The following CAMK2A variants were observed in gnomAD, a reference collection of about 807,000 sequenced individuals.
The protein encoded by CAMK2A is calcium/calmodulin-dependent protein kinase type II subunit alpha.
A neutral mutation model predicts 79.2 loss-of-function variants in CAMK2A; 7 were observed. That is an observed-to-expected ratio of 0.09 (90% confidence interval 0.05 to 0.17). CAMK2A has a LOEUF of 0.17. CAMK2A is among the 10% of genes least tolerant of loss of function. The pLI is 1.00. For missense variants in CAMK2A, 214 were observed against 646.4 expected, an observed-to-expected ratio of 0.33 and a Z score of 7.25; for synonymous variants, 242 against 251.7, an observed-to-expected ratio of 0.96 and a Z score of 0.36.
intron 15 of CAMK2A, 153 bp downstream of exon 15, chr5:150,238,547 C>T (rs1454624826): frequency 5.2e-6 from 4 of 762,000 alleles, no homozygotes; most frequent in South Asian, 1.5e-5. Flanking sequence ...AATGATGCCT[C>T]CCAGTGTGCC....
At chr5:150,268,993 T>A (rs1381542314) in intron 2 of CAMK2A, among the ~76,000 whole-genome samples, 1 of 151,928 alleles carries the variant, frequency 6.6e-6, no homozygotes. Flanking sequence ...CTTGAACTCC[T>A]GGCCTCAAGT....
At position 150,250,745 on chromosome 5, in the gene CAMK2A, G is replaced by A; in HGVS notation, c.759C>T (p.Thr253=). 6.2e-7 allele frequency: 1 copy of A among 1,614,128 alleles called. No individual in the cohort carries two copies. Among genetic ancestry groups the A allele is most frequent in the Non-Finnish European group, 8.5e-7 (1 of 1,179,984 alleles). Residue 253 remains threonine, a synonymous_variant, in exon 10 of 19, where the codon ACC becomes ACT. Transcript: ENST00000671881. ...CTGTGATGCGTTTGGATGGGTTAAT[G>A]GTCAGCATCTTATTGATCAGATCCT... ...EAKDLINKML[T]INPSKRITAA...
chr5:150,250,268 G>A lies in CAMK2A; in HGVS notation c.858C>T (p.Thr286=), dbSNP rs570919176. The change falls in exon 11 of 19, where the codon ACC becomes ACT. Residue 286 remains threonine, a synonymous_variant. Coordinates refer to ENST00000671881, the MANE Select transcript of CAMK2A (RefSeq NM_015981.4). The stretch of plus-strand genomic sequence containing the variant: ...CATTGAACTTCTTCAGGCAGTCCAC[G>A]GTCTCCTGTCTGTGCATGCAGGATG... The part of the protein sequence containing the change: ...TVASCMHRQE[T]VDCLKKFNAR... The A allele has an allele frequency of 5.6e-6, 9 of 1,613,994 alleles. No homozygotes were observed. The highest frequency in any genetic ancestry group is 2.2e-5 in the East Asian group (1 of 44,858).
At chr5:150,239,878 A>ACAAGGAGT in intron 13 of CAMK2A, 142 bp from the exon 14 acceptor site, 4 of 753,746 alleles carry the variant, frequency 5.3e-6, no homozygotes, top group Non-Finnish European at 2.4e-6. Flanking sequence ...TGGCATCGGG[A>ACAAGGAGT]CAAGGAGTCA....
chr5:150,225,039 AG>A (rs1462678293), intron 17 of CAMK2A, among the ~76,000 whole-genome samples: 1 of 119,626 alleles, frequency 8.4e-6, no homozygotes, highest in African/African-American at 3.7e-5. Flanking sequence ...CCTGGTAGGT[AG>A]GGAGAGAGAG....
At chr5:150,260,947 T>C (rs1224264393) in intron 3 of CAMK2A, among the ~76,000 whole-genome samples, 3 of 152,154 alleles carry the variant, frequency 2.0e-5, no homozygotes, top group Non-Finnish European at 4.4e-5. Flanking sequence ...TGTAAGAAGC[T>C]CTGAGAAGCC....
At position 150,222,439 on chromosome 5, in the gene CAMK2A, G is replaced by A; in HGVS notation, c.*271C>T. On this transcript the variant is annotated 3_prime_UTR_variant, in exon 19 of 19. Coordinates refer to ENST00000671881, the MANE Select transcript of CAMK2A (RefSeq NM_015981.4). ...CAGCAGCTGAGGCTGGGGAGAGGGG[G>A]CCAGTGCTGTGGACACCCATGCCTG... 1 of 694,372 alleles carries A rather than the reference G, an allele frequency of 1.4e-6. No homozygotes were observed. Among genetic ancestry groups the A allele is most frequent in the South Asian group, 1.5e-5 (1 of 65,912 alleles). The allele number at this position is 694,372 out of a possible 1,614,324, so 43.0% of individuals were successfully genotyped here.
At chr5:150,239,507 G>A (rs1362591736) in intron 14 of CAMK2A, among the ~76,000 whole-genome samples, 197 bp downstream of exon 14, 4 of 152,090 alleles carry the variant, frequency 2.6e-5, no homozygotes, top group Admixed American at 6.6e-5. Flanking sequence ...TCTGGGCCGT[G>A]GAGTTGGAGG....
intron 17 of CAMK2A, among the ~76,000 whole-genome samples, chr5:150,226,565 C>T (rs938978702): frequency 2.4e-4 from 36 of 151,730 alleles, no homozygotes; most frequent in African/African-American, 8.0e-4. Flanking sequence ...GGTGAAACCC[C>T]GTCTCCACTA....
chr5:150,270,398 G>A (rs1562190412), intron 2 of CAMK2A, among the ~76,000 whole-genome samples: 1 of 152,194 alleles, frequency 6.6e-6, no homozygotes, highest in Non-Finnish European at 1.5e-5. Flanking sequence ...TAAAAGACTA[G>A]ATTAAAAATA....
At chr5:150,250,560 G>T in intron 10 of CAMK2A, 128 bp downstream of exon 10, 2 of 1,302,620 alleles carry the variant, frequency 1.5e-6, no homozygotes, top group Non-Finnish European at 2.1e-6. Context: ...GAGAACCACA[G>T]CAGGGGCAGT....
At chr5:150,270,145 A>C (rs1756685927) in intron 2 of CAMK2A, among the ~76,000 whole-genome samples, 1 of 152,238 alleles carries the variant, frequency 6.6e-6, no homozygotes, top group South Asian at 2.1e-4. Flanking sequence ...ATGGGGGTTA[A>C]CACTGAGCCT....
intron 17 of CAMK2A, 89 bp downstream of exon 17, chr5:150,228,102 TG>T: frequency 1.7e-6 from 2 of 1,147,394 alleles, no homozygotes; most frequent in Non-Finnish European, 2.5e-6. Flanking sequence ...GAGCCGCCCC[TG>T]GGGCCCTGCC....
At position 150,259,277 on chromosome 5, in the gene CAMK2A, T is replaced by C. The variant is rs1015268352; in HGVS notation, c.218-1660A>G. On this transcript the variant is annotated intron_variant, in intron 3 of 18. Coordinates refer to ENST00000671881, the MANE Select transcript of CAMK2A (RefSeq NM_015981.4). ...GGCTCACCCTGTAATCCCAGCACTATGGGAGGCTGAGGTGGGTGGATCACT... is the reference window on the plus strand; with the variant it reads ...GGCTCACCCTGTAATCCCAGCACTACGGGAGGCTGAGGTGGGTGGATCACT... Among the ~76,000 whole-genome samples, 6 of 152,140 alleles carry C rather than the reference T, an allele frequency of 3.9e-5. No individual in the cohort carries two copies. The East Asian group carries it at 1.2e-3, about 29-fold the overall frequency.
In CAMK2A at chr5:150,223,270, TCA is replaced by T; in HGVS notation, c.1238-55_1238-54del. 1 of 1,359,158 alleles carries T rather than the reference TCA, an allele frequency of 7.4e-7. No individual in the cohort carries two copies. The highest frequency in any genetic ancestry group is 1.4e-5 in the African/African-American group (1 of 70,340). 84.2% of individuals were successfully genotyped at this position (1,359,158 alleles called of 1,614,324 possible). On this transcript the variant is annotated intron_variant, in intron 17 of 18. Coordinates refer to ENST00000671881, the MANE Select transcript of CAMK2A (RefSeq NM_015981.4). The surrounding 1 kb of genome is among the most constrained non-coding windows in gnomAD (Gnocchi z 4.1). Reference sequence around the variant, plus strand: ...GAGATGCAACCGGGGGCCTCCTGTCTCACTTTCTTCACTTTCTCCACTCCCAG... The same window carrying T: ...GAGATGCAACCGGGGGCCTCCTGTCTCTTTCTTCACTTTCTCCACTCCCAG...
At position 150,221,576 on chromosome 5, in the gene CAMK2A, G is replaced by C. The variant is rs960347278; in HGVS notation, c.*1134C>G. On this transcript the variant is annotated 3_prime_UTR_variant, in exon 19 of 19. Coordinates refer to ENST00000671881, the MANE Select transcript of CAMK2A (RefSeq NM_015981.4). ...CCTGACAGCCTCCCTCCTCCTCTCTGCCCTGACTTGCTGTTCCTGAGTCAG... is the reference window on the plus strand; with the variant it reads ...CCTGACAGCCTCCCTCCTCCTCTCTCCCCTGACTTGCTGTTCCTGAGTCAG... The C allele has an allele frequency of 5.0e-6, 2 of 398,442 alleles. No individual in the cohort carries two copies. The highest frequency in any genetic ancestry group is 8.8e-5 in the Admixed American group (2 of 22,688). The allele number at this position is 398,442 out of a possible 1,614,324, so 24.7% of individuals were successfully genotyped here.
chr5:150,239,862 T>C, intron 13 of CAMK2A, 126 bp from the exon 14 acceptor site: 1 of 820,916 alleles, frequency 1.2e-6, no homozygotes, highest in East Asian at 2.5e-5. Flanking sequence ...TAGTCCTTTG[T>C]CGGCTTGGCA....
chr5:150,282,602 G>C (rs1337295186), intron 1 of CAMK2A, among the ~76,000 whole-genome samples: 1 of 152,246 alleles, frequency 6.6e-6, no homozygotes, highest in Non-Finnish European at 1.5e-5. Context: ...GGAGTGTCCA[G>C]TTCTCATGTG....
rs1754263639 is a variant in CAMK2A at position 150,220,661 on chromosome 5, C to A, written c.*2049G>T. On this transcript the variant is annotated 3_prime_UTR_variant, in exon 19 of 19. Transcript: ENST00000671881. ...GGTTTTGCCCCTGGGATAATGGGATCACTGGGCCTTACTGGGAAGCCCTCT... is the reference window on the plus strand; with the variant it reads ...GGTTTTGCCCCTGGGATAATGGGATAACTGGGCCTTACTGGGAAGCCCTCT... 6.6e-6 allele frequency: 1 copy of A among 152,326 alleles called. No individual in the cohort carries two copies. The highest frequency in any genetic ancestry group is 2.4e-5 in the African/African-American group (1 of 41,424). The allele number at this position is 152,326 out of a possible 1,614,324, so 9.4% of individuals were successfully genotyped here.
Sources: allele counts gnomAD v4.1 joint callset (sites outside exome capture counted in the v4.1 genomes callset), GRCh38; gene constraint gnomAD v4.1.1; non-coding constraint Gnocchi (gnomAD v3.1); transcripts MANE v1.5; gene names NCBI Gene and HGNC (gene_info 2026-07-23, HGNC 2026-07-21).